The following DUSP15 variants were observed in gnomAD, a reference collection of about 807,000 sequenced individuals.
DUSP15 encodes the protein dual specificity phosphatase 15, also known as dual specificity protein phosphatase 15.
In DUSP15, 23 loss-of-function variants were observed where a neutral mutation model predicts 26.3. That is an observed-to-expected ratio of 0.87 (90% CI 0.63 to 1.24). The LOEUF (loss-of-function observed/expected upper bound fraction) is 1.24. DUSP15 is among the 50% of genes most tolerant of loss of function. DUSP15 has a pLI of 0.00. For missense variants in DUSP15, 364 were observed against 320.6 expected, an observed-to-expected ratio of 1.14 and a Z score of -1.03; for synonymous variants, 143 against 135.5, an observed-to-expected ratio of 1.06 and a Z score of -0.39.
chr20:31,870,012 G>C lies in DUSP15; in HGVS notation c.21+305C>G. On this transcript the variant is annotated intron_variant, in intron 1 of 6. Coordinates refer to ENST00000339738, the MANE Select transcript of DUSP15 (RefSeq NM_080611.5). This position sits in a 1 kb window ranked among gnomAD's most constrained non-coding sequence, Gnocchi z 6.6. ...AGAGAGCCGAGGAGTCAGCGACAAG[G>C]GAGAGGGACACATGCAGACGGAGAG... The C allele has an allele frequency of 7.5e-7, 1 of 1,331,918 alleles. No individual in the cohort carries two copies. The highest frequency in any genetic ancestry group is 9.6e-7 in the Non-Finnish European group (1 of 1,042,594). The allele number at this position is 1,331,918 out of a possible 1,614,324, so 82.5% of individuals were successfully genotyped here. A position where few individuals can be genotyped will look rare whatever the true frequency, so the allele number is the denominator to read the frequency against.
intron 6 of DUSP15, among the ~76,000 whole-genome samples, chr20:31,851,151 T>C (rs982122803): frequency 6.6e-6 from 1 of 152,042 alleles, no homozygotes; most frequent in African/African-American, 2.4e-5. Context: ...AAGAGAAAGT[T>C]GATGAAGATG....
chr20:31,866,853 C>T (rs917595747), intron 3 of DUSP15, among the ~76,000 whole-genome samples: 2 of 152,214 alleles, frequency 1.3e-5, no homozygotes, highest in African/African-American at 4.8e-5. Flanking sequence ...ACCCCAACTC[C>T]TCAGCTTCCT....
chr20:31,864,967 G>T lies in DUSP15; in HGVS notation c.174C>A (p.Thr58=), dbSNP rs1204439135. ...ITYLRIPVAD[T]PEVPIKKHFK... is the part of the protein sequence containing the mutation. The stretch of plus-strand genomic sequence containing the variant: ...GGGGAACTTACATGGGTACCTCAGG[G>T]GTATCAGCGACCGGGATGCGAAGGT... The change falls in exon 4 of 7, where the codon ACC becomes ACA. Residue 58 remains threonine, a synonymous_variant. Transcript: ENST00000339738. 6 of 1,613,970 alleles carry T rather than the reference G, an allele frequency of 3.7e-6. No homozygotes were observed. The African/African-American group carries it at 8.0e-5, about 22-fold the overall frequency.
downstream of DUSP15, among the ~76,000 whole-genome samples, chr20:31,856,916 C>G (rs185930893): frequency 6.6e-6 from 1 of 151,958 alleles, no homozygotes; most frequent in African/African-American, 2.4e-5. Flanking sequence ...ATTCTGGAAG[C>G]CAGATGGGAG....
chr20:31,858,480 TTC>T (rs1317715396), downstream of DUSP15, among the ~76,000 whole-genome samples: 1 of 152,152 alleles, frequency 6.6e-6, no homozygotes, highest in African/African-American at 2.4e-5. The surrounding 1 kb of genome is among the most constrained non-coding windows in gnomAD (Gnocchi z 4.4). Flanking sequence ...AGGTCTCACT[TTC>T]TGTTTTGTCC....
chr20:31,864,889 T>C, intron 4 of DUSP15, 64 bp downstream of exon 4: 4 of 1,515,128 alleles, frequency 2.6e-6, no homozygotes, highest in Admixed American at 3.4e-5. Flanking sequence ...TCAAACCCCC[T>C]CCCCCTCCCC....
Position 31,861,243 on chromosome 20 carries a change from C to T in DUSP15, c.*160G>A. The T allele has an allele frequency of 7.3e-7, 1 of 1,362,560 alleles. No homozygotes were observed. The highest frequency in any genetic ancestry group is 9.4e-7 in the Non-Finnish European group (1 of 1,064,734). 84.4% of individuals were successfully genotyped at this position (1,362,560 alleles called of 1,614,324 possible). ...CACAGAGACGCACAGGTTGGGGACGCTGACTGCAGACGCGGACGAGCAGGG... is the reference window on the plus strand; with the variant it reads ...CACAGAGACGCACAGGTTGGGGACGTTGACTGCAGACGCGGACGAGCAGGG... On this transcript the variant is annotated 3_prime_UTR_variant, in exon 7 of 7. Transcript: ENST00000339738.
chr20:31,863,785 C>T, intron 5 of DUSP15, 122 bp downstream of exon 5: 1 of 956,006 alleles, frequency 1.0e-6, no homozygotes, highest in East Asian at 2.6e-5. Flanking sequence ...GGCCCTCAGG[C>T]ACTGTGACAG....
rs554728975 is a variant in DUSP15 at position 31,869,389 on chromosome 20, A to G, written c.55+175T>C. ...TCCATGTCCCTTCAAGCCTGGGGAC[A>G]CTCGCCTGCATGTGCACCCCTTGTC... On this transcript the variant is annotated intron_variant, in intron 2 of 6. Coordinates refer to ENST00000339738, the MANE Select transcript of DUSP15 (RefSeq NM_080611.5). Among the ~76,000 whole-genome samples the G allele has an allele frequency of 9.4e-4, 143 of 152,086 alleles. 1 individual carries two copies. The highest frequency in any genetic ancestry group is 3.3e-3 in the African/African-American group (138 of 41,492).
chr20:31,863,938 G>A lies in DUSP15; in HGVS notation c.232C>T (p.Arg78Cys), dbSNP rs770219833. 13 of 1,613,814 alleles carry A rather than the reference G, an allele frequency of 8.1e-6. No homozygotes were observed. The highest frequency in any genetic ancestry group is 2.7e-5 in the African/African-American group (2 of 74,852). Residue 78 changes from arginine (R) to cysteine (C), a missense_variant, in exon 5 of 7, where the codon CGC becomes TGC. Physicochemically the swap from Arg to Cys is radical, Grantham distance 180 (BLOSUM62 -3). Transcript: ENST00000339738. Reference protein sequence around the residue: ...KECINFIHCCRLNGGNCLVHC... With the variant: ...KECINFIHCCCLNGGNCLVHC... ...ACAAGGCAGTTCCCCCCATTAAGGC[G>A]GCAGCAGTGGATGAAGTTGATACAT...
Position 31,867,106 on chromosome 20 carries a change from T to C in DUSP15, c.103A>G (p.Ile35Val). The change falls in exon 3 of 7, where the codon ATC (isoleucine) becomes GTC (valine). Residue 35 changes from isoleucine (I) to valine (V), a missense_variant. Transcript: ENST00000339738. ...GGCTGGGGTGACTCATGGATAGAGA[T>C]GATGTGTGTGATCTTATTTCGGCCC... ...QLGRNKITHI[I>V]SIHESPQPLL... 4 of 1,591,340 alleles carry C rather than the reference T, an allele frequency of 2.5e-6. No individual in the cohort carries two copies. The highest frequency in any genetic ancestry group is 3.4e-6 in the Non-Finnish European group (4 of 1,168,344).
chr20:31,850,544 T>C (rs1600433800), intron 7 of DUSP15: 2 of 1,490,798 alleles, frequency 1.3e-6, no homozygotes, highest in East Asian at 4.8e-5. Context: ...AGAGGTGGGC[T>C]GGCCCCACCC....
chr20:31,859,030 T>C (rs750471547), downstream of DUSP15, among the ~76,000 whole-genome samples: 1 of 152,336 alleles, frequency 6.6e-6, no homozygotes, highest in Middle Eastern at 3.4e-3. Flanking sequence ...AGTGTCTCAA[T>C]TGGTTCTCAC....
intron 6 of DUSP15, among the ~76,000 whole-genome samples, chr20:31,853,793 G>A (rs918213778): frequency 2.0e-5 from 3 of 151,982 alleles, no homozygotes; most frequent in Non-Finnish European, 4.4e-5. Context: ...AGAGATGGGG[G>A]TGTCACTATG....
intron 4 of DUSP15, 59 bp from the exon 5 acceptor site, chr20:31,864,040 C>T (rs2062717148): frequency 1.2e-6 from 2 of 1,606,164 alleles, no homozygotes; most frequent in Non-Finnish European, 1.7e-6. Flanking sequence ...AGGAGTTGTT[C>T]CGCCCCCACC....
rs2062409305 is a variant in DUSP15 at position 31,848,751 on chromosome 20, G to C, written c.726+55C>G. The C allele has an allele frequency of 3.2e-6, 5 of 1,556,630 alleles. No homozygotes were observed. The East Asian group carries it at 1.1e-4, about 36-fold the overall frequency. On this transcript the variant is annotated intron_variant, in intron 9 of 9. Transcript: ENST00000278979. ...GACTGGAGGGAGTGTGGGAAGGGCT[G>C]TCTGGAGGGGACTGGAGGGCGTGCT...
At chr20:31,860,719 A>G (rs2123239772), downstream of DUSP15, among the ~76,000 whole-genome samples, 1 of 152,106 alleles carries the variant, frequency 6.6e-6, no homozygotes, top group East Asian at 1.9e-4. Flanking sequence ...CTTCCTAGCT[A>G]CTATTTGTGC....
intron 6 of DUSP15, among the ~76,000 whole-genome samples, chr20:31,852,943 C>T (rs533095756): frequency 6.6e-6 from 1 of 152,166 alleles, no homozygotes; most frequent in Non-Finnish European, 1.5e-5. Flanking sequence ...TGGTGCCCTC[C>T]AAATGCTTGC....
chr20:31,862,590 C>A lies in DUSP15; in HGVS notation c.416G>T (p.Gly139Val). The change falls in exon 6 of 7, where the codon GGC becomes GTC. Residue 139 changes from glycine (G) to valine (V), a missense_variant. Physicochemically the swap from Gly to Val is moderately radical, Grantham distance 109 (BLOSUM62 -3). Transcript: ENST00000339738. ...CCCTACCTTCTGGGAACTGGCCCAG[C>A]CAAACTCTTCAAGCTGCTGCCTAAA... ...PGFRQQLEEF[G>V]WASSQKLRRQ... 1 of 1,612,478 alleles carries A rather than the reference C, an allele frequency of 6.2e-7. No homozygotes were observed. Among genetic ancestry groups the A allele is most frequent in the Non-Finnish European group, 8.5e-7 (1 of 1,178,972 alleles).
Sources: allele counts gnomAD v4.1 joint callset (sites outside exome capture counted in the v4.1 genomes callset), GRCh38; gene constraint gnomAD v4.1.1; non-coding constraint Gnocchi (gnomAD v3.1); transcripts MANE v1.5; gene names NCBI Gene and HGNC (gene_info 2026-07-23, HGNC 2026-07-21).